P3H2: variants seen among roughly 807,000 people sequenced by gnomAD.
P3H2 encodes prolyl 3-hydroxylase 2.
P3H2 carries 80 observed loss-of-function variants against 87.0 expected under a neutral mutation model. The observed-to-expected ratio is 0.92, with a 90% CI of 0.77 to 1.11. P3H2 has a LOEUF of 1.11. Ranked by LOEUF, P3H2 falls within the 50% of genes least tolerant of loss-of-function variation. P3H2 has a pLI of 0.00. For missense variants in P3H2, 1,001 were observed against 923.9 expected, an observed-to-expected ratio of 1.08 and a Z score of -1.08; for synonymous variants, 367 against 359.3, an observed-to-expected ratio of 1.02 and a Z score of -0.24.
chr3:189,981,318 C>G (rs565174837), intron 8 of P3H2, among the ~76,000 whole-genome samples: 10 of 152,282 alleles, frequency 6.6e-5, no homozygotes, highest in African/African-American at 2.4e-4. Context: ...AGCCCTTAAC[C>G]TGTGGGATCT....
At chr3:190,033,415 A>G (rs1725319950) in intron 1 of P3H2, among the ~76,000 whole-genome samples, 1 of 152,234 alleles carries the variant, frequency 6.6e-6, no homozygotes, top group Non-Finnish European at 1.5e-5. Context: ...GAAATCTGTG[A>G]AAGAAAATAA....
intron 1 of P3H2, among the ~76,000 whole-genome samples, chr3:190,114,232 G>A (rs1163748043): frequency 4.4e-4 from 65 of 146,826 alleles, no homozygotes; most frequent in Non-Finnish European, 3.3e-4. Context: ...CGCCCAGGCT[G>A]GAGTGCGGTG....
rs571435585 is a variant in P3H2 at position 189,972,488 on chromosome 3, T to C, written c.1699+386A>G. On this transcript the variant is annotated intron_variant, in intron 11 of 14. Transcript: ENST00000319332. ...GGGACCGAGAAGGTCCCGGTCTTTTTAAGAGTATTTCTTTCAATCATCCCT... is the reference window on the plus strand; with the variant it reads ...GGGACCGAGAAGGTCCCGGTCTTTTCAAGAGTATTTCTTTCAATCATCCCT... 3.0e-4 allele frequency among the ~76,000 whole-genome samples: 45 copies of C among 152,320 alleles called. 1 individual carries two copies. The highest frequency in any genetic ancestry group is 1.1e-3 in the African/African-American group (45 of 41,566).
intron 1 of P3H2, among the ~76,000 whole-genome samples, chr3:190,107,154 A>ATGG (rs1711875038): frequency 6.6e-6 from 1 of 152,158 alleles, no homozygotes; most frequent in East Asian, 1.9e-4. Flanking sequence ...TTTTTTCTAT[A>ATGG]TGAGTATTTA....
At chr3:190,067,400 G>C (rs1237838014) in intron 1 of P3H2, among the ~76,000 whole-genome samples, 1 of 152,090 alleles carries the variant, frequency 6.6e-6, no homozygotes, top group Non-Finnish European at 1.5e-5. Context: ...ACAAATCCTT[G>C]CATGACCTCC....
intron 1 of P3H2, among the ~76,000 whole-genome samples, chr3:190,010,569 TAA>T (rs1204268831): frequency 6.6e-6 from 1 of 151,952 alleles, no homozygotes. Flanking sequence ...AAACACTACA[TAA>T]AGACACAATA....
intron 1 of P3H2, among the ~76,000 whole-genome samples, chr3:190,014,019 G>GA (rs143109598): frequency 1.3e-5 from 2 of 151,036 alleles, no homozygotes; most frequent in Admixed American, 6.6e-5. Flanking sequence ...CTACTAGCGA[G>GA]AAAAAAAAAT....
At chr3:190,088,558 T>G (rs1467262578) in intron 1 of P3H2, among the ~76,000 whole-genome samples, 1 of 152,236 alleles carries the variant, frequency 6.6e-6, no homozygotes, top group Non-Finnish European at 1.5e-5. Flanking sequence ...TGTTATCATA[T>G]TCTGCTCTTG....
chr3:190,122,070 G>C (rs1712626369), upstream of P3H2: 1 of 120,406 alleles, frequency 8.3e-6, no homozygotes, highest in South Asian at 2.7e-4. Context: ...GACAGAGTGA[G>C]ACTCCGTCTC....
intron 1 of P3H2, among the ~76,000 whole-genome samples, chr3:190,049,455 A>G (rs1438946157): frequency 6.6e-6 from 1 of 152,188 alleles, no homozygotes; most frequent in Non-Finnish European, 1.5e-5. Context: ...AAGAAAAAAA[A>G]GTTCTGGAGC....
At position 189,987,251 on chromosome 3, in the gene P3H2, G is replaced by T. The variant is rs559213894; in HGVS notation, c.1098+276C>A. ...GCACTTTGGGAGGACGAGGCGGGCA[G>T]ATCACCTGAGGTCGGGAGTTCGAGA... On this transcript the variant is annotated intron_variant, in intron 5 of 14. Coordinates refer to ENST00000319332, the MANE Select transcript of P3H2 (RefSeq NM_018192.4). Among the ~76,000 whole-genome samples, 228 of 152,148 alleles carry T rather than the reference G, an allele frequency of 1.5e-3. 1 individual carries two copies. The highest frequency in any genetic ancestry group is 9.7e-4 in the East Asian group (5 of 5,158).
intron 1 of P3H2, among the ~76,000 whole-genome samples, chr3:190,042,608 C>T (rs1560375922): frequency 2.6e-5 from 4 of 152,274 alleles, no homozygotes; most frequent in Admixed American, 2.0e-4. Flanking sequence ...AATCTTCCTT[C>T]GGAACAACCT....
chr3:190,078,732 C>T (rs1409672242), intron 1 of P3H2, among the ~76,000 whole-genome samples: 2 of 152,216 alleles, frequency 1.3e-5, no homozygotes, highest in East Asian at 1.9e-4. Context: ...TCCCTGAGCT[C>T]TAACTGTATA....
intron 1 of P3H2, among the ~76,000 whole-genome samples, chr3:190,012,379 C>A (rs1398054731): frequency 6.6e-6 from 1 of 152,066 alleles, no homozygotes. Context: ...CTGATCTTAT[C>A]CCTCTCTGAT....
intron 8 of P3H2, among the ~76,000 whole-genome samples, chr3:189,977,293 T>C (rs956919631): frequency 3.9e-5 from 6 of 152,200 alleles, no homozygotes; most frequent in Non-Finnish European, 8.8e-5. Context: ...CTCAGTCTCT[T>C]GCCTTCTCCG....
upstream of P3H2, chr3:190,121,089 C>A (rs1220303445): frequency 6.8e-6 from 2 of 292,358 alleles, no homozygotes; most frequent in Non-Finnish European, 1.3e-5. Context: ...GCGCTTTACA[C>A]GTGAGCTCCC....
At chr3:190,075,843 A>G (rs1444365994) in intron 1 of P3H2, among the ~76,000 whole-genome samples, 1 of 152,234 alleles carries the variant, frequency 6.6e-6, no homozygotes, top group Non-Finnish European at 1.5e-5. Flanking sequence ...CTGTGTCTAC[A>G]GAGGACTCAC....
chr3:190,081,373 T>C (rs1002065243), intron 1 of P3H2, among the ~76,000 whole-genome samples: 7 of 152,214 alleles, frequency 4.6e-5, no homozygotes, highest in East Asian at 3.8e-4. Flanking sequence ...AGCTTCATGT[T>C]ACCATCAACC....
At chr3:190,093,049 T>G (rs1727465143) in intron 1 of P3H2, among the ~76,000 whole-genome samples, 1 of 152,188 alleles carries the variant, frequency 6.6e-6, no homozygotes, top group Admixed American at 6.5e-5. Flanking sequence ...AGAGCTTTCC[T>G]TAGTAGTGTG....
Sources: gnomAD v4.1 joint callset for allele counts (sites outside exome capture counted in the v4.1 genomes callset) on GRCh38, gnomAD v4.1.1 for gene constraint, MANE v1.5 for transcripts, NCBI Gene and HGNC (gene_info 2026-07-23, HGNC 2026-07-21) for gene names.